The following PLCE1 variants were observed in gnomAD, a reference collection of about 807,000 sequenced individuals.
The protein encoded by PLCE1 is phospholipase C epsilon 1, also known as 1-phosphatidylinositol 4,5-bisphosphate phosphodiesterase epsilon-1.
In PLCE1, 119 loss-of-function variants were observed where a neutral mutation model predicts 242.8. The ratio of observed to expected loss-of-function variants is 0.49; its 90% CI spans 0.42 to 0.57. PLCE1 has a LOEUF of 0.57. Among genes scored for constraint, PLCE1 ranks in the 20% least tolerant of loss-of-function variants. The probability of loss-of-function intolerance (pLI) is 0.00; values close to 1 mark genes in which losing one functional copy is unlikely to be tolerated. For missense variants in PLCE1, 2,441 were observed against 2,788.8 expected, an observed-to-expected ratio of 0.88 and a Z score of 2.81; for synonymous variants, 945 against 1,017.4, an observed-to-expected ratio of 0.93 and a Z score of 1.35.
intron 7 of PLCE1, among the ~76,000 whole-genome samples, chr10:94,244,919 T>G (rs912531129): frequency 1.3e-5 from 2 of 152,180 alleles, no homozygotes; most frequent in Non-Finnish European, 2.9e-5. Context: ...CAGCCTGGTC[T>G]CAAACTTCTG....
In PLCE1 at chr10:94,255,055, G is replaced by A; in HGVS notation, c.3554+6G>A. On this transcript the variant is annotated splice_donor_region_variant and intron_variant, in intron 11 of 32. Coordinates refer to ENST00000371380, the MANE Select transcript of PLCE1 (RefSeq NM_016341.4). ...TCAAACAAGAGCCCATCCAGGTGGGGCCTTAACATGATAAAACAGAAGGAC... is the reference window on the plus strand; with the variant it reads ...TCAAACAAGAGCCCATCCAGGTGGGACCTTAACATGATAAAACAGAAGGAC... The A allele has an allele frequency of 6.2e-7, 1 of 1,613,842 alleles. No homozygotes were observed. Among genetic ancestry groups the A allele is most frequent in the East Asian group, 2.2e-5 (1 of 44,866 alleles).
At chr10:94,121,484 G>A (rs545924058) in intron 2 of PLCE1, among the ~76,000 whole-genome samples, 34 of 152,292 alleles carry the variant, frequency 2.2e-4, no homozygotes, top group Non-Finnish European at 4.3e-4. Flanking sequence ...AGGCCAGCAG[G>A]CATGGTCTTG....
intron 23 of PLCE1, among the ~76,000 whole-genome samples, chr10:94,294,357 TC>T (rs2052736962): frequency 6.6e-6 from 1 of 152,222 alleles, no homozygotes; most frequent in Non-Finnish European, 1.5e-5. Context: ...TTATTAAAAT[TC>T]CTTTCCACTC....
intron 2 of PLCE1, among the ~76,000 whole-genome samples, chr10:94,051,466 T>C (rs1337738551): frequency 6.6e-6 from 1 of 152,044 alleles, no homozygotes; most frequent in Non-Finnish European, 1.5e-5. Flanking sequence ...TAAAAGAAAC[T>C]GATCCATCTA....
chr10:94,090,713 C>T (rs953691214), intron 2 of PLCE1, among the ~76,000 whole-genome samples: 1 of 152,158 alleles, frequency 6.6e-6, no homozygotes, highest in East Asian at 1.9e-4. Context: ...CTCAGTGGTT[C>T]TTCTTGTTTT....
In PLCE1 at chr10:94,006,896, A is replaced by G. The variant is rs1000398562; in HGVS notation, c.-365+12638A>G. ...TTAGTGGGTCAAAGCAGTTAAGAGC[A>G]GGGAGACCACTGAGGGTGATTCTGC... On this transcript the variant is annotated intron_variant, in intron 1 of 32. Coordinates refer to ENST00000371380, the MANE Select transcript of PLCE1 (RefSeq NM_016341.4). 2.6e-5 allele frequency among the ~76,000 whole-genome samples: 4 copies of G among 152,246 alleles called. No homozygotes were observed. In the East Asian group the frequency reaches 7.7e-4, roughly 29 times the overall value.
chr10:94,218,828 T>C (rs910396487), intron 4 of PLCE1, among the ~76,000 whole-genome samples: 1 of 149,754 alleles, frequency 6.7e-6, no homozygotes, highest in Admixed American at 6.7e-5. Flanking sequence ...ATATAAATGG[T>C]AAAGTAATTA....
intron 4 of PLCE1, among the ~76,000 whole-genome samples, chr10:94,224,641 T>G (rs777727394): frequency 6.6e-6 from 1 of 152,012 alleles, no homozygotes; most frequent in Non-Finnish European, 1.5e-5. Flanking sequence ...ACTCAAAGAG[T>G]CAGTAGGGTT....
chr10:94,155,591 T>C (rs1021438090), intron 3 of PLCE1: 22 of 152,122 alleles, frequency 1.4e-4, no homozygotes, highest in African/African-American at 5.1e-4. Context: ...TCTGTGAATA[T>C]ACTAAAAACC....
At chr10:94,244,908 C>G (rs1341120352) in intron 7 of PLCE1, among the ~76,000 whole-genome samples, 1 of 152,046 alleles carries the variant, frequency 6.6e-6, no homozygotes, top group African/African-American at 2.4e-5. Flanking sequence ...ACCATGTTGC[C>G]CAGCCTGGTC....
At chr10:94,089,391 T>C in intron 2 of PLCE1, 1 of 1,558,890 alleles carries the variant, frequency 6.4e-7, no homozygotes, top group Non-Finnish European at 8.7e-7. Context: ...GGGTTCTTGT[T>C]GTCTAAGAAA....
chr10:94,247,908 G>A (rs770203067), intron 8 of PLCE1, among the ~76,000 whole-genome samples: 9 of 152,206 alleles, frequency 5.9e-5, no homozygotes, highest in Non-Finnish European at 1.2e-4. Flanking sequence ...CCACAAGCAG[G>A]TGACACTTGA....
chr10:94,039,253 A>C (rs2061720634), intron 2 of PLCE1, among the ~76,000 whole-genome samples: 1 of 152,226 alleles, frequency 6.6e-6, no homozygotes, highest in Non-Finnish European at 1.5e-5. Context: ...ATAAATACCC[A>C]GGATTGGAAT....
intron 4 of PLCE1, among the ~76,000 whole-genome samples, chr10:94,202,350 G>A (rs2049012512): frequency 6.6e-6 from 1 of 150,700 alleles, no homozygotes; most frequent in African/African-American, 2.4e-5. Context: ...AGGATATGTA[G>A]CAGTTTGTTC....
At chr10:94,036,995 C>G (rs2061676965) in intron 2 of PLCE1, among the ~76,000 whole-genome samples, 1 of 151,898 alleles carries the variant, frequency 6.6e-6, no homozygotes. Flanking sequence ...GAGTAAAAAA[C>G]AAAGAATAAA....
intron 4 of PLCE1, among the ~76,000 whole-genome samples, chr10:94,199,710 G>A (rs2797993): frequency 0.93 from 142,150 of 152,302 alleles, 66,736 homozygotes; most frequent in Non-Finnish European, 0.98. Flanking sequence ...ATAAATGACC[G>A]AGATGTAAAT....
intron 4 of PLCE1, among the ~76,000 whole-genome samples, chr10:94,202,229 G>A (rs894686357): frequency 3.3e-5 from 5 of 152,222 alleles, no homozygotes; most frequent in Admixed American, 6.5e-5. Flanking sequence ...CAGTCAAGAC[G>A]TTTTACACAA....
intron 5 of PLCE1, 82 bp from the exon 6 acceptor site, chr10:94,233,972 G>T: frequency 8.0e-7 from 1 of 1,253,146 alleles, no homozygotes; most frequent in Non-Finnish European, 1.1e-6. Context: ...TAAAAAGAAT[G>T]AATTTGTATG....
intron 4 of PLCE1, among the ~76,000 whole-genome samples, chr10:94,190,784 A>T (rs768834131): frequency 1.1e-4 from 16 of 152,258 alleles, no homozygotes; most frequent in Non-Finnish European, 2.1e-4. Flanking sequence ...ATGAGAGTAA[A>T]GTATGATCTT....
Sources: gnomAD v4.1 joint callset for allele counts (sites outside exome capture counted in the v4.1 genomes callset) on GRCh38, gnomAD v4.1.1 for gene constraint, MANE v1.5 for transcripts, NCBI Gene and HGNC (gene_info 2026-07-23, HGNC 2026-07-21) for gene names.